Variants in PCSK5 observed in about 807,000 individuals in gnomAD.
PCSK5 encodes prohormone convertase 5.
PCSK5 carries 129 observed loss-of-function variants against 233.2 expected under a neutral mutation model. That is an observed-to-expected ratio of 0.55 (90% CI 0.48 to 0.64). The LOEUF is 0.64. Ranked by LOEUF, PCSK5 falls within the 30% of genes least tolerant of loss-of-function variation. The pLI is 0.00. For missense variants in PCSK5, 2,076 were observed against 2,430.1 expected (o/e 0.85, Z 3.06); for synonymous variants, 825 against 879.2 (o/e 0.94, Z 1.09).
At chr9:75,930,442 G>A (rs1463967237) in intron 1 of PCSK5, among the ~76,000 whole-genome samples, 1 of 152,176 alleles carries the variant, frequency 6.6e-6, no homozygotes, top group Non-Finnish European at 1.5e-5. Flanking sequence ...GTTAGATGAA[G>A]CGTACGGAAT....
chr9:76,086,851 C>A (rs1191489991), intron 7 of PCSK5, among the ~76,000 whole-genome samples: 1 of 152,096 alleles, frequency 6.6e-6, no homozygotes, highest in Non-Finnish European at 1.5e-5. Flanking sequence ...TTTTATGTGT[C>A]CAACTTTACA....
chr9:76,049,226 C>T (rs916779282), intron 5 of PCSK5, among the ~76,000 whole-genome samples: 2 of 152,122 alleles, frequency 1.3e-5, no homozygotes, highest in African/African-American at 4.8e-5. Context: ...CTCATAAGCT[C>T]ATGCAAATAC....
chr9:76,222,837 AT>A (rs1379840457), intron 20 of PCSK5, among the ~76,000 whole-genome samples: 1 of 150,198 alleles, frequency 6.7e-6, no homozygotes, highest in African/African-American at 2.4e-5. Context: ...GTTGCTGAGT[AT>A]TTATTATAGC....
intron 9 of PCSK5, among the ~76,000 whole-genome samples, chr9:76,111,321 T>C (rs117686578): frequency 0.015 from 2,345 of 152,262 alleles, 28 homozygotes; most frequent in Non-Finnish European, 0.023. Context: ...TCCTTTACCT[T>C]TTTTTCCTGG....
chr9:76,181,636 G>A, intron 16 of PCSK5, 45 bp downstream of exon 16: 6 of 1,398,602 alleles, frequency 4.3e-6, no homozygotes, highest in South Asian at 3.8e-5. Flanking sequence ...GAAATGTGGT[G>A]TTTTCATTTG....
chr9:75,894,204 C>T (rs138774295), intron 1 of PCSK5, among the ~76,000 whole-genome samples: 271 of 152,156 alleles, frequency 1.8e-3, no homozygotes, highest in African/African-American at 6.4e-3. Context: ...TTTATATCTT[C>T]GGTATGATAT....
intron 27 of PCSK5, among the ~76,000 whole-genome samples, chr9:76,298,614 G>A (rs914909179): frequency 6.6e-6 from 1 of 150,506 alleles, no homozygotes; most frequent in African/African-American, 2.4e-5. Flanking sequence ...GAGTATTTGA[G>A]CCAATGCCTA....
intron 5 of PCSK5, among the ~76,000 whole-genome samples, chr9:76,031,026 C>G (rs1023021366): frequency 6.6e-6 from 1 of 152,102 alleles, no homozygotes; most frequent in Non-Finnish European, 1.5e-5. Flanking sequence ...ACCAGCACTC[C>G]CTGCCTCTGT....
At chr9:76,064,931 C>T (rs1006377822) in intron 5 of PCSK5, among the ~76,000 whole-genome samples, 1 of 152,256 alleles carries the variant, frequency 6.6e-6, no homozygotes, top group African/African-American at 2.4e-5. Flanking sequence ...AAGTAATCCT[C>T]CTGACTTGGC....
intron 2 of PCSK5, among the ~76,000 whole-genome samples, chr9:75,985,785 C>G (rs1826486640): frequency 6.6e-6 from 1 of 151,976 alleles, no homozygotes. Flanking sequence ...TTGGCTAGCC[C>G]TTAGTATAAA....
At chr9:76,067,356 T>C (rs76055948) in intron 5 of PCSK5, among the ~76,000 whole-genome samples, 1 of 152,354 alleles carries the variant, frequency 6.6e-6, no homozygotes, top group Non-Finnish European at 1.5e-5. Context: ...TAAGATATTT[T>C]AACATGTAGC....
chr9:76,220,344 TG>T (rs1385946012), intron 20 of PCSK5, among the ~76,000 whole-genome samples: 2 of 151,932 alleles, frequency 1.3e-5, no homozygotes, highest in East Asian at 3.9e-4. Context: ...CTGGCCAACA[TG>T]GTGAAACCCT....
intron 2 of PCSK5, among the ~76,000 whole-genome samples, chr9:75,973,511 C>G (rs1030901911): frequency 2.0e-5 from 3 of 152,168 alleles, no homozygotes; most frequent in African/African-American, 7.2e-5. Flanking sequence ...CTCCGGAGCA[C>G]CTACTCTGGG....
chr9:75,993,652 G>A (rs572651955), intron 3 of PCSK5, among the ~76,000 whole-genome samples: 34 of 152,196 alleles, frequency 2.2e-4, no homozygotes, highest in Admixed American at 5.2e-4. Context: ...GACTCATCAT[G>A]TAGTCATTCT....
intron 11 of PCSK5, among the ~76,000 whole-genome samples, chr9:76,157,640 A>G (rs1279481585): frequency 2.0e-5 from 3 of 151,928 alleles, no homozygotes; most frequent in Non-Finnish European, 2.9e-5. Context: ...ACAGGATTCT[A>G]TCTTAGTAGG....
chr9:76,264,943 A>C (rs1449571542), intron 24 of PCSK5, among the ~76,000 whole-genome samples: 9 of 152,180 alleles, frequency 5.9e-5, no homozygotes, highest in Non-Finnish European at 8.8e-5. Flanking sequence ...TCTGACAAAA[A>C]GACACCTGCA....
intron 13 of PCSK5, among the ~76,000 whole-genome samples, chr9:76,174,097 T>C (rs1823465515): frequency 6.6e-6 from 1 of 152,214 alleles, no homozygotes; most frequent in Non-Finnish European, 1.5e-5. Context: ...GTTAGTGTGA[T>C]GGAGAAGCTG....
At chr9:76,313,109 C>T (rs1418691822) in intron 30 of PCSK5, among the ~76,000 whole-genome samples, 1 of 152,158 alleles carries the variant, frequency 6.6e-6, no homozygotes, top group African/African-American at 2.4e-5. Context: ...ATTATTTTCC[C>T]TCATTTGACC....
rs534676909 is a variant in PCSK5 at position 76,066,464 on chromosome 9, G to A, written c.633-1491G>A. On this transcript the variant is annotated intron_variant, in intron 5 of 37. Transcript: ENST00000674117. ...TCTACTTCTAGGAATTCGTCCCAAG[G>A]CATAAAATGATGTCTGTACTCAAGA... Among the ~76,000 whole-genome samples, 10 of 152,134 alleles carry A rather than the reference G, an allele frequency of 6.6e-5. No homozygotes were observed. In the East Asian group the frequency reaches 1.5e-3, roughly 23 times the overall value.
Sources: allele counts gnomAD v4.1 joint callset (sites outside exome capture counted in the v4.1 genomes callset), GRCh38; gene constraint gnomAD v4.1.1; transcripts MANE v1.5; gene names NCBI Gene and HGNC (gene_info 2026-07-23, HGNC 2026-07-21).